Variants in CDH18 observed in about 807,000 individuals in gnomAD.
The protein encoded by CDH18 is cadherin 18.
In CDH18, 31 loss-of-function variants were observed where a neutral mutation model predicts 67.9. The ratio of observed to expected loss-of-function variants is 0.46; its 90% CI spans 0.34 to 0.62. The LOEUF (loss-of-function observed/expected upper bound fraction) is 0.62. Ranked by LOEUF, CDH18 falls within the 20% of genes least tolerant of loss-of-function variation. The pLI is 0.01. For synonymous variants in CDH18, 362 were observed against 347.2 expected, an observed-to-expected ratio of 1.04 and a Z score of -0.48; for missense variants, 890 against 975.5, an observed-to-expected ratio of 0.91 and a Z score of 1.17.
intron 2 of CDH18, among the ~76,000 whole-genome samples, chr5:20,209,716 G>C (rs370445841): frequency 3.3e-5 from 5 of 151,860 alleles, no homozygotes; most frequent in East Asian, 1.9e-4. Context: ...ATATACAATA[G>C]TCTATTGTAT....
At chr5:19,929,167 C>T (rs1793414725) in intron 2 of CDH18, among the ~76,000 whole-genome samples, 1 of 151,986 alleles carries the variant, frequency 6.6e-6, no homozygotes. Flanking sequence ...AAAACTGGCC[C>T]TGACTCATCT....
intron 3 of CDH18, among the ~76,000 whole-genome samples, chr5:19,806,035 C>A (rs551050150): frequency 1.3e-5 from 2 of 152,218 alleles, no homozygotes; most frequent in African/African-American, 4.8e-5. Context: ...CTAACACATG[C>A]ACTCTGCTCC....
intron 2 of CDH18, among the ~76,000 whole-genome samples, chr5:20,191,097 C>T (rs1738500174): frequency 1.3e-5 from 2 of 152,018 alleles, no homozygotes; most frequent in South Asian, 2.1e-4. Flanking sequence ...CTAAAATGTG[C>T]TCATTGAATA....
At chr5:19,989,202 A>C (rs1022667056), upstream of CDH18, among the ~76,000 whole-genome samples, 5 of 152,182 alleles carry the variant, frequency 3.3e-5, no homozygotes, top group African/African-American at 1.2e-4. Context: ...AGTTTATCTA[A>C]ATTGAATGAC....
chr5:19,761,329 C>T (rs1275337410), intron 3 of CDH18, among the ~76,000 whole-genome samples: 2 of 152,102 alleles, frequency 1.3e-5, no homozygotes, highest in African/African-American at 4.8e-5. Flanking sequence ...TAGGAGTAAC[C>T]AACCAGCTTC....
intron 2 of CDH18, among the ~76,000 whole-genome samples, chr5:20,169,143 T>C (rs547044294): frequency 5.3e-5 from 8 of 152,268 alleles, no homozygotes; most frequent in African/African-American, 1.9e-4. Flanking sequence ...TGTACTTGGA[T>C]TGTTTGTAAC....
intron 3 of CDH18, among the ~76,000 whole-genome samples, chr5:19,833,893 T>A (rs1781323805): frequency 7.7e-6 from 1 of 130,170 alleles, no homozygotes; most frequent in South Asian, 2.3e-4. Flanking sequence ...GGTGAGTAAG[T>A]TTTTTGATGT....
Position 20,230,308 on chromosome 5 carries a change from T to C in CDH18, c.-518+25136A>G, listed in dbSNP as rs530058685. 3.9e-5 allele frequency among the ~76,000 whole-genome samples: 6 copies of C among 152,262 alleles called. No individual in the cohort carries two copies. In the East Asian group the frequency reaches 1.2e-3, roughly 29 times the overall value. On this transcript the variant is annotated intron_variant, in intron 2 of 14. Coordinates refer to the CDH18 transcript ENST00000507958. ...TCATCCACTAAACTCCTGCAGGGCC[T>C]AGAAAATGAAATTGGTCACTCTGGG...
At chr5:20,305,106 A>G (rs1289299167) in intron 1 of CDH18, 2 of 1,553,580 alleles carry the variant, frequency 1.3e-6, no homozygotes, top group Admixed American at 3.3e-5. Context: ...CATTTGCAGC[A>G]AGAGAACCAA....
At chr5:20,105,090 C>T (rs191063108) in intron 2 of CDH18, among the ~76,000 whole-genome samples, 223 of 152,080 alleles carry the variant, frequency 1.5e-3, no homozygotes, top group Non-Finnish European at 2.7e-3. Flanking sequence ...CCAGTTCAAG[C>T]GATTCTCCTG....
chr5:20,404,790 C>T (rs927814134), intron 1 of CDH18, among the ~76,000 whole-genome samples: 6 of 152,132 alleles, frequency 3.9e-5, no homozygotes, highest in Non-Finnish European at 5.9e-5. Flanking sequence ...CGTGAGTTGA[C>T]TTACTCCATG....
At chr5:19,720,441 C>T (rs138541945) in intron 5 of CDH18, among the ~76,000 whole-genome samples, 193 of 152,094 alleles carry the variant, frequency 1.3e-3, no homozygotes, top group African/African-American at 4.5e-3. Context: ...TATGTACATC[C>T]TTAAAATTTT....
chr5:19,504,841 A>C (rs534131833), intron 10 of CDH18, among the ~76,000 whole-genome samples: 28 of 152,176 alleles, frequency 1.8e-4, no homozygotes, highest in African/African-American at 6.7e-4. Flanking sequence ...CCAAGAATCG[A>C]ATTTCGGAGT....
At chr5:19,561,284 T>A (rs1004764908) in intron 8 of CDH18, among the ~76,000 whole-genome samples, 4 of 151,948 alleles carry the variant, frequency 2.6e-5, no homozygotes, top group Admixed American at 1.3e-4. Flanking sequence ...AATGTAGGGA[T>A]AAAGAAAATG....
intron 2 of CDH18, among the ~76,000 whole-genome samples, chr5:19,946,422 A>C (rs1354622302): frequency 2.6e-5 from 4 of 152,176 alleles, no homozygotes; most frequent in African/African-American, 9.7e-5. Context: ...AGATGTGTAA[A>C]AACAGAGATC....
chr5:20,566,725 T>C (rs1196720883), intron 1 of CDH18, among the ~76,000 whole-genome samples: 1 of 151,972 alleles, frequency 6.6e-6, no homozygotes, highest in Non-Finnish European at 1.5e-5. Context: ...TTTTTTGGCT[T>C]GTTTGCTTAT....
intron 1 of CDH18, among the ~76,000 whole-genome samples, chr5:20,398,407 A>C (rs1461832607): frequency 6.6e-6 from 1 of 152,192 alleles, no homozygotes; most frequent in Non-Finnish European, 1.5e-5. Flanking sequence ...TTCAACCTAT[A>C]AAATGGTCAC....
At chr5:19,638,615 A>C (rs1403267350) in intron 5 of CDH18, among the ~76,000 whole-genome samples, 2 of 151,214 alleles carry the variant, frequency 1.3e-5, no homozygotes, top group Admixed American at 1.3e-4. Context: ...ATGAGGTGGT[A>C]TCAGCAAGTG....
intron 2 of CDH18, among the ~76,000 whole-genome samples, chr5:19,861,612 C>T (rs1447401374): frequency 6.6e-6 from 1 of 151,954 alleles, no homozygotes; most frequent in Non-Finnish European, 1.5e-5. Flanking sequence ...GAGAGTGGTA[C>T]CTTGGACTTG....
Sources: allele counts gnomAD v4.1 joint callset (sites outside exome capture counted in the v4.1 genomes callset), GRCh38; gene constraint gnomAD v4.1.1; transcripts MANE v1.5; gene names NCBI Gene and HGNC (gene_info 2026-07-23, HGNC 2026-07-21).